The following PRKG1 variants were observed in gnomAD, a reference collection of about 807,000 sequenced individuals.
The protein encoded by PRKG1 is cGMP-dependent protein kinase 1.
PRKG1 carries 35 observed loss-of-function variants against 88.1 expected under a neutral mutation model. That is an observed-to-expected ratio of 0.40 (90% CI 0.30 to 0.53). The LOEUF (loss-of-function observed/expected upper bound fraction) is 0.53, where lower values mean the gene tolerates loss of function less well. PRKG1 is among the 20% of genes least tolerant of loss of function. The pLI, the probability that PRKG1 is intolerant of heterozygous loss-of-function variation, is 0.59. For missense variants in PRKG1, 540 were observed against 839.8 expected (o/e 0.64, Z 4.41); for synonymous variants, 303 against 292.5 (o/e 1.04, Z -0.37).
chr10:51,380,503 A>G (rs1837055102), intron 2 of PRKG1, among the ~76,000 whole-genome samples: 1 of 152,170 alleles, frequency 6.6e-6, no homozygotes, highest in African/African-American at 2.4e-5. Flanking sequence ...TTGTTTGTTG[A>G]AAAAGTATGA....
chr10:51,886,248 G>A (rs1000113681), intron 4 of PRKG1, among the ~76,000 whole-genome samples: 3 of 152,024 alleles, frequency 2.0e-5, no homozygotes, highest in Non-Finnish European at 4.4e-5. Context: ...AAAGGAACCA[G>A]AACCAAAAAT....
At chr10:51,832,632 G>T (rs1416218649) in intron 4 of PRKG1, among the ~76,000 whole-genome samples, 1 of 152,126 alleles carries the variant, frequency 6.6e-6, no homozygotes, top group East Asian at 1.9e-4. Context: ...GACAGTAAGT[G>T]AATTAACAGG....
chr10:51,636,175 A>G (rs1369645634), intron 3 of PRKG1, among the ~76,000 whole-genome samples: 2 of 152,182 alleles, frequency 1.3e-5, no homozygotes, highest in African/African-American at 2.4e-5. Context: ...AAGAGTTTGC[A>G]TATCCGCTTT....
intron 4 of PRKG1, among the ~76,000 whole-genome samples, chr10:51,805,412 CT>C (rs1839279415): frequency 6.6e-6 from 1 of 151,866 alleles, no homozygotes; most frequent in Non-Finnish European, 1.5e-5. Context: ...AATATATTAT[CT>C]TATAACTGAA....
intron 2 of PRKG1, among the ~76,000 whole-genome samples, chr10:51,408,493 G>T (rs1367013100): frequency 6.6e-6 from 1 of 152,214 alleles, no homozygotes; most frequent in Non-Finnish European, 1.5e-5. Flanking sequence ...GCAAACCCAT[G>T]CCTGGAGTAA....
At chr10:52,193,690 A>G (rs1052978559) in intron 9 of PRKG1, among the ~76,000 whole-genome samples, 2 of 152,208 alleles carry the variant, frequency 1.3e-5, no homozygotes, top group Non-Finnish European at 2.9e-5. Flanking sequence ...TGTTTAACAA[A>G]CAACATCAAC....
intron 7 of PRKG1, among the ~76,000 whole-genome samples, chr10:52,094,439 C>G (rs1847128291): frequency 1.3e-5 from 2 of 151,990 alleles, no homozygotes; most frequent in African/African-American, 4.8e-5. Flanking sequence ...TCTCTTTTAT[C>G]TCTCATTTAT....
chr10:52,148,509 A>G (rs1410598963), intron 8 of PRKG1, among the ~76,000 whole-genome samples: 1 of 152,104 alleles, frequency 6.6e-6, no homozygotes, highest in East Asian at 1.9e-4. Flanking sequence ...CAAATTTAAT[A>G]TATTGAATAG....
rs1483285324 is a variant in PRKG1, at chr10:52,054,380, C to G, written c.763-104C>G. The G allele has an allele frequency of 3.9e-6, 3 of 772,106 alleles. No individual in the cohort carries two copies. The East Asian group carries it at 7.9e-5, about 20-fold the overall frequency. The allele number at this position is 772,106 out of a possible 1,614,324, so 47.8% of individuals were successfully genotyped here. On this transcript the variant is annotated intron_variant, in intron 5 of 17. Coordinates refer to ENST00000373980, the MANE Select transcript of PRKG1 (RefSeq NM_006258.4). ...GATGGTTCCAGGCTTGGATAAAATTCCATTAGGATGAATATATCCCTGGGG... is the reference window on the plus strand; with the variant it reads ...GATGGTTCCAGGCTTGGATAAAATTGCATTAGGATGAATATATCCCTGGGG...
chr10:51,918,221 T>C (rs1842386193), intron 5 of PRKG1, among the ~76,000 whole-genome samples: 1 of 152,234 alleles, frequency 6.6e-6, no homozygotes, highest in Non-Finnish European at 1.5e-5. Flanking sequence ...TTCAGTACTA[T>C]ACTGCATTGT....
intron 4 of PRKG1, 142 bp from the exon 5 acceptor site, chr10:51,907,365 G>T: frequency 3.2e-6 from 2 of 624,372 alleles, no homozygotes; most frequent in Non-Finnish European, 2.7e-6. Flanking sequence ...TTCAGGTTGT[G>T]TGGCTAATGC....
intron 5 of PRKG1, among the ~76,000 whole-genome samples, chr10:52,052,671 C>A (rs904650528): frequency 6.6e-5 from 10 of 152,158 alleles, no homozygotes; most frequent in Admixed American, 5.2e-4. Context: ...GAGAGCCAAG[C>A]CAAAGAGGAA....
chr10:51,767,949 C>T (rs557253157), intron 3 of PRKG1, among the ~76,000 whole-genome samples: 7 of 151,684 alleles, frequency 4.6e-5, no homozygotes, highest in South Asian at 4.2e-4. Flanking sequence ...GCCTGTATTG[C>T]ATTCTAGGCT....
At chr10:51,611,938 GT>G (rs1838920728) in intron 3 of PRKG1, among the ~76,000 whole-genome samples, 1 of 152,036 alleles carries the variant, frequency 6.6e-6, no homozygotes. Flanking sequence ...TCAAAGATCA[GT>G]TGGCTATAAA....
In PRKG1 at chr10:52,226,413, G is replaced by T. The variant is rs114997843; in HGVS notation, c.1077-25157G>T. Among the ~76,000 whole-genome samples the T allele has an allele frequency of 4.5e-3, 683 of 152,212 alleles. 6 individuals carry two copies. The highest frequency in any genetic ancestry group is 0.015 in the African/African-American group (636 of 41,528). The stretch of plus-strand genomic sequence containing the variant: ...AATCATAGTTTGTCCCTCACAGCAG[G>T]ATTATTCTGTTATTAAGCTGAGAAT... On this transcript the variant is annotated intron_variant, in intron 9 of 17. Transcript: ENST00000373980.
chr10:51,392,931 G>A lies in PRKG1; in HGVS notation c.479-74792G>A, dbSNP rs293220. On this transcript the variant is annotated intron_variant, in intron 2 of 17. Coordinates refer to ENST00000373980, the MANE Select transcript of PRKG1 (RefSeq NM_006258.4). ...GGCTGACCACCCCCACCTCCCTCCC[G>A]GACGGGGCGGCTGGCCGGGCTGAGG... Among the ~76,000 whole-genome samples, 506 of 63,552 alleles carry A rather than the reference G, an allele frequency of 8.0e-3. 11 individuals carry two copies. The highest frequency in any genetic ancestry group is 0.015 in the Non-Finnish European group (340 of 22,922). 41.7% of individuals were successfully genotyped at this position (63,552 alleles called of 152,430 possible). A position where few individuals can be genotyped will look rare whatever the true frequency, so the allele number is the denominator to read the frequency against.
chr10:52,072,330 C>CCAAAA (rs1259239152), intron 7 of PRKG1, among the ~76,000 whole-genome samples: 2 of 151,462 alleles, frequency 1.3e-5, no homozygotes, highest in Admixed American at 6.6e-5. Context: ...TTGTGGCTGT[C>CCAAAA]CAAAACAAAA....
intron 4 of PRKG1, among the ~76,000 whole-genome samples, chr10:51,905,424 C>A (rs942688601): frequency 2.6e-5 from 4 of 152,114 alleles, no homozygotes; most frequent in Non-Finnish European, 5.9e-5. Context: ...TTTATGGTAT[C>A]ATTGTAATCA....
At chr10:51,813,630 G>A (rs948597530) in intron 4 of PRKG1, among the ~76,000 whole-genome samples, 1 of 152,140 alleles carries the variant, frequency 6.6e-6, no homozygotes, top group East Asian at 1.9e-4. Context: ...TAGAGCCAGT[G>A]TCTATAGAAC....
Sources: gnomAD v4.1 joint callset for allele counts (sites outside exome capture counted in the v4.1 genomes callset) on GRCh38, gnomAD v4.1.1 for gene constraint, MANE v1.5 for transcripts, NCBI Gene and HGNC (gene_info 2026-07-23, HGNC 2026-07-21) for gene names.